Variants in ZNF391 observed in about 807,000 individuals in gnomAD.
ZNF391 encodes the protein zinc finger protein 391.
For synonymous variants in ZNF391, 126 were observed against 142.1 expected (o/e 0.89, Z 0.80); for missense variants, 375 against 425.5 (o/e 0.88, Z 1.04).
intron 1 of ZNF391, among the ~76,000 whole-genome samples, chr6:27,379,981 C>G (rs1761472877): frequency 6.6e-6 from 1 of 152,194 alleles, no homozygotes; most frequent in Non-Finnish European, 1.5e-5. Context: ...GAGATATAGT[C>G]TTGACCAAAA....
At chr6:27,396,367 A>G (rs1472997696) in intron 1 of ZNF391, among the ~76,000 whole-genome samples, 2 of 152,206 alleles carry the variant, frequency 1.3e-5, no homozygotes, top group Non-Finnish European at 2.9e-5. Context: ...TTGTGAATCT[A>G]ATACCATAAG....
upstream of ZNF391, among the ~76,000 whole-genome samples, chr6:27,383,882 T>G (rs1218189121): frequency 1.3e-5 from 2 of 152,064 alleles, no homozygotes. Context: ...AAAAACAGCT[T>G]ATATATAGAG....
chr6:27,381,179 G>T (rs1484741546), intron 1 of ZNF391, among the ~76,000 whole-genome samples: 2 of 152,244 alleles, frequency 1.3e-5, no homozygotes, highest in African/African-American at 2.4e-5. Context: ...GGAGGCTCAG[G>T]CATGGTGGGC....
rs567147993 is a variant in ZNF391, at chr6:27,401,214, TG to T, written c.845del (p.Cys282LeufsTer67). ...GGAGAACCCCTATGAGTGCAGTGAA[TG>T]TGGGAAAGTGTTCAGTCGAAGCTCG... ...TGENPYECSE[C>X]GKVFSRSSSL... On this transcript the variant is annotated frameshift_variant, in exon 3 of 3. Transcript: ENST00000244576. LOFTEE classifies it low-confidence loss of function (END_TRUNC). The T allele has an allele frequency of 1.3e-4, 206 of 1,614,186 alleles. 1 individual carries two copies. The African/African-American group carries it at 2.5e-3, about 19-fold the overall frequency.
intron 1 of ZNF391, among the ~76,000 whole-genome samples, chr6:27,379,156 A>C (rs1424850464): frequency 6.6e-6 from 1 of 152,374 alleles, no homozygotes; most frequent in East Asian, 1.9e-4. Flanking sequence ...ACAATAGATG[A>C]AATGAAATTT....
intron 1 of ZNF391, among the ~76,000 whole-genome samples, chr6:27,377,969 A>G (rs539778891): frequency 1.3e-5 from 2 of 152,350 alleles, no homozygotes; most frequent in South Asian, 4.1e-4. Context: ...TTACATATAT[A>G]GAGAAAAATA....
At position 27,402,401 on chromosome 6, in the gene ZNF391, C is replaced by A. The variant is rs1425560095; in HGVS notation, c.*954C>A. On this transcript the variant is annotated 3_prime_UTR_variant, in exon 3 of 3. Coordinates refer to ENST00000244576, the MANE Select transcript of ZNF391 (RefSeq NM_001076781.3). ...ATTGGCACTTTTTGCCACTGTTATG[C>A]CTTAAATCTTGAGCTTCTTTCAGGA... The A allele has an allele frequency of 6.6e-6, 1 of 152,062 alleles. No individual in the cohort carries two copies. The highest frequency in any genetic ancestry group is 1.5e-5 in the Non-Finnish European group (1 of 68,020). 9.4% of individuals were successfully genotyped at this position (152,062 alleles called of 1,614,324 possible).
In ZNF391 at chr6:27,376,731, C is replaced by T. The variant is rs1231647748; in HGVS notation, n.523+1594C>T. Among the ~76,000 whole-genome samples the T allele has an allele frequency of 2.6e-5, 4 of 152,008 alleles. No individual in the cohort carries two copies. The highest frequency in any genetic ancestry group is 4.2e-4 in the South Asian group (2 of 4,814). On this transcript the variant is annotated intron_variant and non_coding_transcript_variant, in intron 1 of 2. Coordinates refer to the ZNF391 transcript ENST00000477999. This position sits in a 1 kb window ranked among gnomAD's most constrained non-coding sequence, Gnocchi z 4.7. ...AAATTAGCTAGATGTAATGGCGAGCCGCTTGAAGCTACTCCGGCGGCTGAG... is the reference window on the plus strand; with the variant it reads ...AAATTAGCTAGATGTAATGGCGAGCTGCTTGAAGCTACTCCGGCGGCTGAG...
rs769746574 is a variant in ZNF391, at chr6:27,400,564, T to G, written c.194T>G (p.Phe65Cys). 28 of 1,614,044 alleles carry G rather than the reference T, an allele frequency of 1.7e-5. No individual in the cohort carries two copies. Among genetic ancestry groups the G allele is most frequent in the Non-Finnish European group, 2.4e-5 (28 of 1,180,028 alleles). The change falls in exon 3 of 3, where the codon TTT becomes TGT. Residue 65 changes from phenylalanine (F) to cysteine (C), a missense_variant. Coordinates refer to ENST00000244576, the MANE Select transcript of ZNF391 (RefSeq NM_001076781.3). ...TGEEGPESSE[F>C]SLSPNLDAQQ... Reference sequence around the variant, plus strand: ...GAGGAAGGCCCTGAATCCAGTGAATTTAGTCTAAGCCCAAACCTTGACGCA... The same window carrying G: ...GAGGAAGGCCCTGAATCCAGTGAATGTAGTCTAAGCCCAAACCTTGACGCA...
rs1407922071 is a variant in ZNF391, at chr6:27,403,221, T to G, written c.*1774T>G. 6.6e-6 allele frequency: 1 copy of G among 152,234 alleles called. No individual in the cohort carries two copies. The highest frequency in any genetic ancestry group is 2.4e-5 in the African/African-American group (1 of 41,462). 9.4% of individuals were successfully genotyped at this position (152,234 alleles called of 1,614,324 possible). A position where few individuals can be genotyped will look rare whatever the true frequency, so the allele number is the denominator to read the frequency against. ...TTTAACCTAAAGGTCTTTCATAGTT[T>G]GATCTACTTACTTACTTCCTTTCTC... On this transcript the variant is annotated 3_prime_UTR_variant, in exon 3 of 3. Coordinates refer to ENST00000244576, the MANE Select transcript of ZNF391 (RefSeq NM_001076781.3).
Position 27,376,701 on chromosome 6 carries a change from C to CA in ZNF391, n.523+1571dup, listed in dbSNP as rs1448969482. On this transcript the variant is annotated intron_variant and non_coding_transcript_variant, in intron 1 of 2. Transcript: ENST00000477999. This position sits in a 1 kb window ranked among gnomAD's most constrained non-coding sequence, Gnocchi z 4.7. Reference sequence around the variant, plus strand: ...TGAAACCCCATCTCTACTAAAAATACAAAAAAATTAGCTAGATGTAATGGC... The same window carrying CA: ...TGAAACCCCATCTCTACTAAAAATACAAAAAAAATTAGCTAGATGTAATGGC... 4.0e-5 allele frequency among the ~76,000 whole-genome samples: 6 copies of CA among 151,866 alleles called. No homozygotes were observed. The highest frequency in any genetic ancestry group is 7.4e-5 in the Non-Finnish European group (5 of 67,976).
chr6:27,394,570 A>G (rs1030435030), intron 1 of ZNF391, among the ~76,000 whole-genome samples: 2 of 152,240 alleles, frequency 1.3e-5, no homozygotes, highest in African/African-American at 2.4e-5. Context: ...GAGAACCTCT[A>G]CTAGGGCAGT....
rs905883504 is a variant in ZNF391, at chr6:27,388,943, C to G, written c.-320C>G. On this transcript the variant is annotated 5_prime_UTR_variant, in exon 1 of 3. Coordinates refer to ENST00000244576, the MANE Select transcript of ZNF391 (RefSeq NM_001076781.3). ...GCAGCGGTTCGACGCATGGGTTTCT[C>G]TTTAATCCTTCCGACTTCCCCAAGC... 10 of 456,464 alleles carry G rather than the reference C, an allele frequency of 2.2e-5. No individual in the cohort carries two copies. Among genetic ancestry groups the G allele is most frequent in the Non-Finnish European group, 4.4e-5 (10 of 226,898 alleles). 28.3% of individuals were successfully genotyped at this position (456,464 alleles called of 1,614,324 possible). A position where few individuals can be genotyped will look rare whatever the true frequency, so the allele number is the denominator to read the frequency against.
rs1340198227 is a variant in ZNF391 at position 27,401,050 on chromosome 6, G to T, written c.680G>T (p.Gly227Val). ...AGGCCTTACAAATGTAATGAATGTG[G>T]GAAAGCCTTCGGTGACCGTTCAACC... ...QERPYKCNEC[G>V]KAFGDRSTII... Residue 227 changes from glycine (G) to valine (V), a missense_variant, in exon 3 of 3, where the codon GGG becomes GTG. Coordinates refer to ENST00000244576, the MANE Select transcript of ZNF391 (RefSeq NM_001076781.3). 6.2e-7 allele frequency: 1 copy of T among 1,614,148 alleles called. No individual in the cohort carries two copies. The highest frequency in any genetic ancestry group is 8.5e-7 in the Non-Finnish European group (1 of 1,180,022).
intron 1 of ZNF391, among the ~76,000 whole-genome samples, chr6:27,389,680 T>G (rs1230645587): frequency 6.6e-6 from 1 of 152,104 alleles, no homozygotes; most frequent in Non-Finnish European, 1.5e-5. Flanking sequence ...GGCGCGCGCC[T>G]GTAATCCCTG....
intron 1 of ZNF391, among the ~76,000 whole-genome samples, chr6:27,398,598 C>T (rs1761879112): frequency 6.6e-6 from 1 of 152,210 alleles, no homozygotes; most frequent in Admixed American, 6.5e-5. Context: ...GTGGCTCACG[C>T]CTGTAATCCC....
chr6:27,396,107 C>T (rs371004431), intron 1 of ZNF391, among the ~76,000 whole-genome samples: 59 of 152,292 alleles, frequency 3.9e-4, no homozygotes, highest in African/African-American at 1.4e-3. Context: ...TTTCTCTACC[C>T]TTCAGACCTA....
upstream of ZNF391, among the ~76,000 whole-genome samples, chr6:27,384,481 AAAGAGAG>A (rs777287449): frequency 0.19 from 5,086 of 27,168 alleles, 73 homozygotes; most frequent in Middle Eastern, 0.29. Flanking sequence ...AAAAAAAAAA[AAAGAGAG>A]AGAGAGAGAG....
chr6:27,381,148 C>A (rs1014122858), intron 1 of ZNF391, among the ~76,000 whole-genome samples: 2 of 152,238 alleles, frequency 1.3e-5, no homozygotes, highest in East Asian at 3.9e-4. Context: ...TTGGGCCGCA[C>A]AGGAGCCCAC....
Sources: gnomAD v4.1 joint callset for allele counts (sites outside exome capture counted in the v4.1 genomes callset) on GRCh38, gnomAD v4.1.1 for gene constraint, Gnocchi (gnomAD v3.1) non-coding constraint, MANE v1.5 for transcripts, NCBI Gene and HGNC (gene_info 2026-07-23, HGNC 2026-07-21) for gene names.